The following NCOR2 variants were observed in gnomAD, a reference collection of about 807,000 sequenced individuals.
NCOR2 encodes nuclear receptor corepressor 2, also known as CTG repeat protein 26.
NCOR2 carries 81 observed loss-of-function variants against 262.9 expected under a neutral mutation model. The ratio of observed to expected loss-of-function variants is 0.31; its 90% confidence interval spans 0.26 to 0.37. The LOEUF (loss-of-function observed/expected upper bound fraction) is 0.37, where lower values mean the gene tolerates loss of function less well. NCOR2 is among the 10% of genes least tolerant of loss of function. The pLI, the probability that NCOR2 is intolerant of heterozygous loss-of-function variation, is 1.00. For synonymous variants in NCOR2, 1,659 were observed against 1,559.3 expected, an observed-to-expected ratio of 1.06 and a Z score of -1.51; for missense variants, 3,385 against 3,621.4, an observed-to-expected ratio of 0.93 and a Z score of 1.68.
intron 3 of NCOR2, among the ~76,000 whole-genome samples, chr12:124,474,117 G>C (rs1794943): frequency 0.93 from 141,958 of 152,232 alleles, 66,289 homozygotes; most frequent in South Asian, 0.96. Context: ...CCCAAGGAAC[G>C]AAGACCCACA....
chr12:124,534,506 TGC>T (rs1297484922), intron 1 of NCOR2, among the ~76,000 whole-genome samples: 1 of 151,960 alleles, frequency 6.6e-6, no homozygotes, highest in Admixed American at 6.6e-5. Context: ...CTGTCATATA[TGC>T]GGTCCATCGT....
Position 124,548,790 on chromosome 12 carries a change from A to T in NCOR2, c.-164-13179T>A, listed in dbSNP as rs2051618816. On this transcript the variant is annotated intron_variant, in intron 1 of 32. Coordinates refer to the NCOR2 transcript ENST00000458234. This position sits in a 1 kb window ranked among gnomAD's most constrained non-coding sequence, Gnocchi z 5.1. ...AGTCACCCTCCCTACACAGTTTTCA[A>T]ATGACCTGGCCATTCAAAAAAACCT... is the stretch of plus-strand genomic sequence containing the variant. Among the ~76,000 whole-genome samples, 1 of 151,984 alleles carries T rather than the reference A, an allele frequency of 6.6e-6. No homozygotes were observed. Among genetic ancestry groups the T allele is most frequent in the African/African-American group, 2.4e-5 (1 of 41,352 alleles).
intron 27 of NCOR2, among the ~76,000 whole-genome samples, chr12:124,352,802 T>G (rs901402195): frequency 1.3e-5 from 2 of 152,220 alleles, no homozygotes; most frequent in African/African-American, 4.8e-5. Context: ...AGCTTCTGTT[T>G]GCATAACGTC....
intron 13 of NCOR2, among the ~76,000 whole-genome samples, chr12:124,416,876 G>A (rs1046106489): frequency 2.6e-5 from 4 of 151,648 alleles, no homozygotes; most frequent in South Asian, 2.1e-4. Context: ...AGATAGACCC[G>A]CCGCACAGGG....
In NCOR2 at chr12:124,430,587, G is replaced by A. The variant is rs552284173; in HGVS notation, c.1055+28C>T. 1.1e-5 allele frequency: 17 copies of A among 1,581,846 alleles called. No individual in the cohort carries two copies. The East Asian group carries it at 1.1e-4, about 10-fold the overall frequency. On this transcript the variant is annotated intron_variant, in intron 9 of 46. Transcript: ENST00000405201. ...GGAGCTGACCCCGGGCCCTGACGTC[G>A]GGGGCCCTGGGCTCAGGCCCCGCTC...
At chr12:124,439,414 C>CAGAGAG (rs773057938) in intron 7 of NCOR2, among the ~76,000 whole-genome samples, 2 of 35,220 alleles carry the variant, frequency 5.7e-5, no homozygotes, top group Non-Finnish European at 1.3e-4. Flanking sequence ...GACAGAGACC[C>CAGAGAG]AGAGAGAGAG....
rs561921822 is a variant in NCOR2, at chr12:124,445,909, G to A, written c.815+3906C>T. ...GTACGTGCTGAGCACTGACCTTAGT[G>A]AGCACGTCTGAAACTGAGCCCTAGA... On this transcript the variant is annotated intron_variant, in intron 7 of 46. Transcript: ENST00000405201. Among the ~76,000 whole-genome samples, 606 of 152,344 alleles carry A rather than the reference G, an allele frequency of 4.0e-3. 8 individuals carry two copies. The highest frequency in any genetic ancestry group is 0.014 in the Middle Eastern group (4 of 294).
At chr12:124,484,198 C>A (rs1341755989) in intron 2 of NCOR2, among the ~76,000 whole-genome samples, 1 of 152,186 alleles carries the variant, frequency 6.6e-6, no homozygotes, top group Non-Finnish European at 1.5e-5. Context: ...ACGCTGTGAG[C>A]CTAACACAGA....
At chr12:124,519,537 G>T (rs921202603) in intron 1 of NCOR2, among the ~76,000 whole-genome samples, 1 of 152,200 alleles carries the variant, frequency 6.6e-6, no homozygotes, top group Non-Finnish European at 1.5e-5. Context: ...GCAGAGAGAA[G>T]GCTGGTGTGG....
rs887362828 is a variant in NCOR2, at chr12:124,389,314, C to T, written c.1877-3427G>A. ...TCTTGCTGCCTGACCCAGCGAGACG[C>T]GGCAGGACTGAATGTGACCTCCAGA... On this transcript the variant is annotated intron_variant, in intron 16 of 46. Transcript: ENST00000405201. This position sits in a 1 kb window ranked among gnomAD's most constrained non-coding sequence, Gnocchi z 4.4. Among the ~76,000 whole-genome samples the T allele has an allele frequency of 3.3e-5, 5 of 151,900 alleles. No individual in the cohort carries two copies. Among genetic ancestry groups the T allele is most frequent in the African/African-American group, 1.2e-4 (5 of 41,340 alleles).
intron 13 of NCOR2, among the ~76,000 whole-genome samples, chr12:124,411,756 C>T (rs1565918838): frequency 1.3e-5 from 2 of 152,260 alleles, no homozygotes; most frequent in Non-Finnish European, 1.5e-5. Flanking sequence ...CGTGATTCAC[C>T]TCAGGGTGGT....
intron 16 of NCOR2, among the ~76,000 whole-genome samples, chr12:124,397,381 C>T: frequency 6.6e-6 from 1 of 152,172 alleles, no homozygotes; most frequent in East Asian, 1.9e-4. Context: ...GGTCACTGTG[C>T]TGGGAAGTAA....
chr12:124,486,518 G>T, exon 2 of NCOR2: 1 of 1,606,054 alleles, frequency 6.2e-7, no homozygotes. Flanking sequence ...CGGGCGACAG[G>T]TGGGAGGCAT....
Position 124,443,006 on chromosome 12 carries a change from C to A in NCOR2, c.816-5010G>T, listed in dbSNP as rs576715276. Among the ~76,000 whole-genome samples the A allele has an allele frequency of 1.3e-5, 2 of 152,222 alleles. No homozygotes were observed. The highest frequency in any genetic ancestry group is 2.1e-4 in the South Asian group (1 of 4,832). On this transcript the variant is annotated intron_variant, in intron 7 of 46. Coordinates refer to ENST00000405201, the Ensembl canonical transcript of NCOR2. The surrounding 1 kb of genome is among the most constrained non-coding windows in gnomAD (Gnocchi z 4.4). ...GCCGGCAGCCGCCAGGAGCTGGAAC[C>A]GGCAAGGAAGCAGCCTCCCCCAGAG... is the stretch of plus-strand genomic sequence containing the variant.
intron 7 of NCOR2, among the ~76,000 whole-genome samples, chr12:124,439,356 GAC>G (rs1485203234): frequency 0.059 from 7,980 of 135,906 alleles, 6 homozygotes; most frequent in Admixed American, 0.081. Flanking sequence ...GAGAGAGGGA[GAC>G]AGAGACCCGG....
chr12:124,495,406 C>T (rs1224723702), upstream of NCOR2: 3 of 1,406,598 alleles, frequency 2.1e-6, no homozygotes, highest in East Asian at 2.5e-5. The surrounding 1 kb of genome is among the most constrained non-coding windows in gnomAD (Gnocchi z 4.4). Flanking sequence ...AGATCAGCCA[C>T]GGGGCAGCTG....
chr12:124,328,850 G>A (rs1047105115), intron 44 of NCOR2: 2 of 233,232 alleles, frequency 8.6e-6, no homozygotes, highest in South Asian at 5.2e-5. Flanking sequence ...GGCTGCCTGC[G>A]TTTTCTTTTC....
rs143846122 is a variant in NCOR2 at position 124,520,728 on chromosome 12, T to C, written c.-118+14837A>G. On this transcript the variant is annotated intron_variant, in intron 1 of 46. Transcript: ENST00000404621. ...CAAACTCATATTCAGAATAAGCCAG[T>C]GTCTGGTTATCTGCTCAGCAAAAGA... Among the ~76,000 whole-genome samples, 31 of 152,204 alleles carry C rather than the reference T, an allele frequency of 2.0e-4. 1 individual carries two copies. The East Asian group carries it at 5.8e-3, about 28-fold the overall frequency.
At chr12:124,449,679 TCCGGGAGCACCTGGCCCTGG>T (rs1292904364) in intron 7 of NCOR2, 116 bp downstream of exon 9, 28 of 654,056 alleles carry the variant, frequency 4.3e-5, no homozygotes, top group Non-Finnish European at 4.6e-6. Flanking sequence ...TCCTGTCCCC[TCCGGGAGCACCTGGCCCTGG>T]CCGGGAGCCC....
Sources: allele counts gnomAD v4.1 joint callset (sites outside exome capture counted in the v4.1 genomes callset), GRCh38; gene constraint gnomAD v4.1.1; non-coding constraint Gnocchi (gnomAD v3.1); transcripts MANE v1.5; gene names NCBI Gene and HGNC (gene_info 2026-07-23, HGNC 2026-07-21).